The following DERA variants were observed in gnomAD, a reference collection of about 807,000 sequenced individuals.
DERA encodes the protein deoxyribose-phosphate aldolase.
In DERA, 15 loss-of-function variants were observed where a neutral mutation model predicts 41.1. That is an observed-to-expected ratio of 0.37 (90% confidence interval 0.24 to 0.56). DERA has a LOEUF of 0.56. Ranked by LOEUF, DERA falls within the 20% of genes least tolerant of loss-of-function variation. DERA has a pLI of 0.81. For synonymous variants in DERA, 139 were observed against 137.4 expected (o/e 1.01, Z -0.08); for missense variants, 396 against 403.4 (o/e 0.98, Z 0.16).
rs1176472519 is a variant in DERA, at chr12:15,924,983, T to C, written c.31+13569T>C. Among the ~76,000 whole-genome samples the C allele has an allele frequency of 6.6e-6, 1 of 152,232 alleles. No homozygotes were observed. Among genetic ancestry groups the C allele is most frequent in the Admixed American group, 6.5e-5 (1 of 15,288 alleles). On this transcript the variant is annotated intron_variant, in intron 1 of 8. Transcript: ENST00000428559. The surrounding 1 kb of genome is among the most constrained non-coding windows in gnomAD (Gnocchi z 5.0). Reference sequence around the variant, plus strand: ...ACTTTTCATAATGTGAAGACTTGTTTTCATCAGTGTTTGTTGAATGAATAA... The same window carrying C: ...ACTTTTCATAATGTGAAGACTTGTTCTCATCAGTGTTTGTTGAATGAATAA...
chr12:15,984,036 T>C lies in DERA; in HGVS notation c.637+1600T>C, dbSNP rs775723334. On this transcript the variant is annotated intron_variant, in intron 6 of 8. Transcript: ENST00000428559. The surrounding 1 kb of genome is among the most constrained non-coding windows in gnomAD (Gnocchi z 4.5). ...ACAGGTAGCCCCCCTTTATGCTGCT[T>C]GCCAGCACAAGTGATTGTTAGCCCA... is the stretch of plus-strand genomic sequence containing the variant. Among the ~76,000 whole-genome samples the C allele has an allele frequency of 6.6e-6, 1 of 152,164 alleles. No individual in the cohort carries two copies. The highest frequency in any genetic ancestry group is 1.9e-4 in the East Asian group (1 of 5,186).
chr12:15,970,140 G>C lies in DERA; in HGVS notation c.508+7193G>C, dbSNP rs1948650086. ...TCTTGAACATTTTGTGACTTTTTTAGTTTAAAAGGTTGCTGTACAATTTTA... is the reference window on the plus strand; with the variant it reads ...TCTTGAACATTTTGTGACTTTTTTACTTTAAAAGGTTGCTGTACAATTTTA... On this transcript the variant is annotated intron_variant, in intron 5 of 8. Coordinates refer to ENST00000428559, the MANE Select transcript of DERA (RefSeq NM_015954.4). The surrounding 1 kb of genome is among the most constrained non-coding windows in gnomAD (Gnocchi z 4.3). Among the ~76,000 whole-genome samples, 1 of 152,080 alleles carries C rather than the reference G, an allele frequency of 6.6e-6. No homozygotes were observed. Among genetic ancestry groups the C allele is most frequent in the Admixed American group, 6.6e-5 (1 of 15,264 alleles).
intron 6 of DERA, among the ~76,000 whole-genome samples, chr12:16,015,987 T>A (rs1948979120): frequency 1.3e-5 from 2 of 152,236 alleles, no homozygotes; most frequent in Admixed American, 6.5e-5. Flanking sequence ...AAACTGAAGT[T>A]ATGGTGAACC....
rs1189044200 is a variant in DERA at position 15,911,781 on chromosome 12, C to T, written c.31+367C>T. On this transcript the variant is annotated intron_variant, in intron 1 of 8. Transcript: ENST00000428559. The surrounding 1 kb of genome is among the most constrained non-coding windows in gnomAD (Gnocchi z 4.5). The stretch of plus-strand genomic sequence containing the variant: ...AAAAACAGATAAAAACCTTCTTTCT[C>T]CTCCTTTTAATAGAATACTTGTGTA... The T allele has an allele frequency of 1.7e-5, 9 of 531,344 alleles. No individual in the cohort carries two copies. The highest frequency in any genetic ancestry group is 3.3e-5 in the Non-Finnish European group (9 of 276,906). The allele number at this position is 531,344 out of a possible 1,614,324, so 32.9% of individuals were successfully genotyped here.
chr12:16,014,683 C>A lies in DERA; in HGVS notation c.638-17859C>A, dbSNP rs1000978931. Among the ~76,000 whole-genome samples, 22 of 152,164 alleles carry A rather than the reference C, an allele frequency of 1.4e-4. No homozygotes were observed. The highest frequency in any genetic ancestry group is 3.2e-4 in the Non-Finnish European group (22 of 68,036). On this transcript the variant is annotated intron_variant, in intron 6 of 8. Transcript: ENST00000428559. The surrounding 1 kb of genome is among the most constrained non-coding windows in gnomAD (Gnocchi z 5.4). Reference sequence around the variant, plus strand: ...ACACAGAGTCCCCACTGGGGCACTGCCTAGTGGAGCTGTGAGAAGAGGGCA... The same window carrying A: ...ACACAGAGTCCCCACTGGGGCACTGACTAGTGGAGCTGTGAGAAGAGGGCA...
intron 5 of DERA, among the ~76,000 whole-genome samples, chr12:15,971,200 C>T (rs1948657339): frequency 6.6e-6 from 1 of 152,204 alleles, no homozygotes; most frequent in Non-Finnish European, 1.5e-5. Flanking sequence ...CTTTCTGTGG[C>T]ATCTGCCGTT....
rs532335500 is a variant in DERA, at chr12:16,030,234, T to TA, written c.638-2307dup. Among the ~76,000 whole-genome samples, 11 of 152,202 alleles carry TA rather than the reference T, an allele frequency of 7.2e-5. No homozygotes were observed. The South Asian group carries it at 2.3e-3, about 32-fold the overall frequency. Reference sequence around the variant, plus strand: ...GTTGTGAGCCACCACGTCCAGCCAGTAGCCTTGGTCTTCTGTCTTAATCTT... The same window carrying TA: ...GTTGTGAGCCACCACGTCCAGCCAGTAAGCCTTGGTCTTCTGTCTTAATCTT... On this transcript the variant is annotated intron_variant, in intron 6 of 8. Transcript: ENST00000428559.
At chr12:16,016,429 G>C (rs1948982511) in intron 6 of DERA, among the ~76,000 whole-genome samples, 1 of 152,030 alleles carries the variant, frequency 6.6e-6, no homozygotes, top group Admixed American at 6.5e-5. Flanking sequence ...TTAGAGAAGT[G>C]GTCTTGTAAA....
intron 6 of DERA, among the ~76,000 whole-genome samples, chr12:16,016,976 AATCAGGTGCTTGTTTCG>A (rs1948987271): frequency 6.6e-6 from 1 of 152,132 alleles, no homozygotes; most frequent in Non-Finnish European, 1.5e-5. Context: ...CTTTTGTTTC[AATCAGGTGCTTGTTTCG>A]ATCAGGTGCG....
intron 1 of DERA, among the ~76,000 whole-genome samples, chr12:15,944,009 G>C (rs1948428027): frequency 6.6e-6 from 1 of 151,390 alleles, no homozygotes; most frequent in Non-Finnish European, 1.5e-5. Flanking sequence ...ATAGTTTGCT[G>C]AGAATGATGG....
At chr12:16,007,477 C>T (rs1565612469) in intron 6 of DERA, among the ~76,000 whole-genome samples, 1 of 152,190 alleles carries the variant, frequency 6.6e-6, no homozygotes, top group East Asian at 1.9e-4. Context: ...AGCCACTGTG[C>T]CCCGCCAATA....
chr12:16,015,314 A>G (rs1948973696), intron 6 of DERA, among the ~76,000 whole-genome samples: 1 of 152,210 alleles, frequency 6.6e-6, no homozygotes, highest in Non-Finnish European at 1.5e-5. Context: ...CCACATGTCA[A>G]GGAAGAGACC....
chr12:15,925,018 G>C (rs1948271834), intron 1 of DERA, among the ~76,000 whole-genome samples: 1 of 152,184 alleles, frequency 6.6e-6, no homozygotes. Context: ...AGGAAGCATT[G>C]CTCCCCTTGT....
chr12:16,012,003 C>CA lies in DERA; in HGVS notation c.638-20537dup, dbSNP rs1330048080. 6.7e-6 allele frequency among the ~76,000 whole-genome samples: 1 copy of CA among 148,518 alleles called. No individual in the cohort carries two copies. Among genetic ancestry groups the CA allele is most frequent in the Non-Finnish European group, 1.5e-5 (1 of 67,986 alleles). On this transcript the variant is annotated intron_variant, in intron 6 of 8. Transcript: ENST00000428559. This position sits in a 1 kb window ranked among gnomAD's most constrained non-coding sequence, Gnocchi z 4.1. ...ATTTTTCTAAATTAGGCAATCAAAC[C>CA]AAGAAAAAACACATAAAACATGCAT...
In DERA at chr12:15,972,092, C is replaced by T. The variant is rs1948665301; in HGVS notation, c.508+9145C>T. On this transcript the variant is annotated intron_variant, in intron 5 of 8. Coordinates refer to ENST00000428559, the MANE Select transcript of DERA (RefSeq NM_015954.4). This position sits in a 1 kb window ranked among gnomAD's most constrained non-coding sequence, Gnocchi z 4.4. ...CCTCCACATCTGCCACGAATGATTT[C>T]TCCTCTGAAAATAGCCATAGGATCC... is the stretch of plus-strand genomic sequence containing the variant. The T allele has an allele frequency of 6.1e-6, 1 of 164,242 alleles. No homozygotes were observed. Among genetic ancestry groups the T allele is most frequent in the South Asian group, 1.5e-4 (1 of 6,530 alleles). 10.2% of individuals were successfully genotyped at this position (164,242 alleles called of 1,614,324 possible). A position where few individuals can be genotyped will look rare whatever the true frequency, so the allele number is the denominator to read the frequency against.
In DERA at chr12:16,026,717, G is replaced by A. The variant is rs1417874587; in HGVS notation, c.638-5825G>A. ...GCACCAGCTCTAGATGGCTTCATTGGTGAATTCTGCCAAACATTTAAGGAA... is the reference window on the plus strand; with the variant it reads ...GCACCAGCTCTAGATGGCTTCATTGATGAATTCTGCCAAACATTTAAGGAA... On this transcript the variant is annotated intron_variant, in intron 6 of 8. Transcript: ENST00000428559. This position sits in a 1 kb window ranked among gnomAD's most constrained non-coding sequence, Gnocchi z 4.4. Among the ~76,000 whole-genome samples, 1 of 151,726 alleles carries A rather than the reference G, an allele frequency of 6.6e-6. No individual in the cohort carries two copies. Among genetic ancestry groups the A allele is most frequent in the African/African-American group, 2.4e-5 (1 of 41,336 alleles).
chr12:16,022,338 G>C (rs972607004), intron 6 of DERA, among the ~76,000 whole-genome samples: 6 of 152,174 alleles, frequency 3.9e-5, no homozygotes, highest in African/African-American at 1.4e-4. Context: ...CTTACCAGGA[G>C]CCAATCCTGA....
At position 15,966,702 on chromosome 12, in the gene DERA, CT is replaced by C. The variant is rs1176252310; in HGVS notation, c.508+3756del. Reference sequence around the variant, plus strand: ...TCTTCCTTTCTGTTTCTGATTACCCCTGCGTCTCATTTGCAAGCTCCTTCAC... The same window carrying C: ...TCTTCCTTTCTGTTTCTGATTACCCCGCGTCTCATTTGCAAGCTCCTTCAC... On this transcript the variant is annotated intron_variant, in intron 5 of 8. Transcript: ENST00000428559. The surrounding 1 kb of genome is among the most constrained non-coding windows in gnomAD (Gnocchi z 5.1). Among the ~76,000 whole-genome samples the C allele has an allele frequency of 1.3e-5, 2 of 152,018 alleles. No individual in the cohort carries two copies. The highest frequency in any genetic ancestry group is 2.9e-5 in the Non-Finnish European group (2 of 68,002).
At position 15,924,231 on chromosome 12, in the gene DERA, T is replaced by C. The variant is rs1202232019; in HGVS notation, c.31+12817T>C. Among the ~76,000 whole-genome samples, 5 of 152,294 alleles carry C rather than the reference T, an allele frequency of 3.3e-5. No individual in the cohort carries two copies. In the East Asian group the frequency reaches 9.7e-4, roughly 29 times the overall value. ...TCGCTTGAGCCCAGGAGTTTGAGAT[T>C]AGCCTGGGCAATATAGCAGACTCCA... is the stretch of plus-strand genomic sequence containing the variant. On this transcript the variant is annotated intron_variant, in intron 1 of 8. Transcript: ENST00000428559. This position sits in a 1 kb window ranked among gnomAD's most constrained non-coding sequence, Gnocchi z 5.0.
Sources: gnomAD v4.1 joint callset for allele counts (sites outside exome capture counted in the v4.1 genomes callset) on GRCh38, gnomAD v4.1.1 for gene constraint, Gnocchi (gnomAD v3.1) non-coding constraint, MANE v1.5 for transcripts, NCBI Gene and HGNC (gene_info 2026-07-23, HGNC 2026-07-21) for gene names.